The following ACSL3 variants were observed in gnomAD, a reference collection of about 807,000 sequenced individuals.
ACSL3 encodes fatty acid CoA ligase Acsl3.
ACSL3 carries 34 observed loss-of-function variants against 84.7 expected under a neutral mutation model. The observed-to-expected ratio is 0.40, with a 90% CI of 0.31 to 0.53. The LOEUF is 0.53. Ranked by LOEUF, ACSL3 falls within the 20% of genes least tolerant of loss-of-function variation. The pLI is 0.48. For synonymous variants in ACSL3, 315 were observed against 299.4 expected (o/e 1.05, Z -0.54); for missense variants, 680 against 873.1 (o/e 0.78, Z 2.79).
Position 222,914,505 on chromosome 2 carries a change from G to A in ACSL3, c.379-1814G>A, listed in dbSNP as rs117996908. Among the ~76,000 whole-genome samples the A allele has an allele frequency of 3.9e-5, 6 of 152,210 alleles. No individual in the cohort carries two copies. The East Asian group carries it at 9.6e-4, about 24-fold the overall frequency. On this transcript the variant is annotated intron_variant, in intron 4 of 16. Transcript: ENST00000357430. ...TCGAATTCCTGGCCTCAAATGAGTT[G>A]CCTGTCTCAGCCTTCCAAAGTGTTG...
chr2:222,933,384 C>T (rs1697082787), intron 15 of ACSL3, 104 bp downstream of exon 15: 1 of 756,736 alleles, frequency 1.3e-6, no homozygotes, highest in South Asian at 2.1e-5. Context: ...GAGAACTCTT[C>T]CTATCTGTTA....
chr2:222,933,783 G>A (rs6756107), intron 15 of ACSL3: 114,590 of 152,244 alleles, frequency 0.75, 43,424 homozygotes, highest in East Asian at 0.97. Context: ...GGCAGCTGGG[G>A]ACCTGTCTAC....
At chr2:222,877,558 TTA>T (rs1398751454) in intron 1 of ACSL3, among the ~76,000 whole-genome samples, 1 of 152,238 alleles carries the variant, frequency 6.6e-6, no homozygotes, top group Non-Finnish European at 1.5e-5. Context: ...ACATATACAC[TTA>T]TACCTTTATA....
At position 222,934,647 on chromosome 2, in the gene ACSL3, A is replaced by G. The variant is rs759582343; in HGVS notation, c.1965A>G (p.Glu655=). 1.2e-6 allele frequency: 2 copies of G among 1,609,322 alleles called. No homozygotes were observed. Among genetic ancestry groups the G allele is most frequent in the South Asian group, 1.1e-5 (1 of 88,838 alleles). ...WEELCNSCEM[E]NEVLKVLSEA... ...AGCTGTGTAACAGTTGTGAAATGGA[A>G]AATGAGGTACTTAAAGTGCTTTCCG... The change falls in exon 16 of 17, where the codon GAA becomes GAG. Residue 655 remains glutamate, a synonymous_variant. Transcript: ENST00000357430.
Position 222,883,397 on chromosome 2 carries a change from G to T in ACSL3, c.-206-4433G>T, listed in dbSNP as rs1008682000. Among the ~76,000 whole-genome samples the T allele has an allele frequency of 2.0e-5, 3 of 151,496 alleles. No homozygotes were observed. The East Asian group carries it at 5.9e-4, about 30-fold the overall frequency. Reference sequence around the variant, plus strand: ...TGGGTTTCTCCTTATTGGTCATGCTGGTCTCGAACTCCCGACCTCAGGTGA... The same window carrying T: ...TGGGTTTCTCCTTATTGGTCATGCTTGTCTCGAACTCCCGACCTCAGGTGA... On this transcript the variant is annotated intron_variant, in intron 1 of 16. Transcript: ENST00000357430.
At position 222,930,732 on chromosome 2, in the gene ACSL3, T is replaced by G; in HGVS notation, c.1652T>G (p.Phe551Cys). Residue 551 changes from phenylalanine to cysteine, a missense_variant, in exon 14 of 17, where the codon TTT becomes TGT. Physicochemically the swap from Phe to Cys is radical, Grantham distance 205. Around this residue, in one of 2 missense-constraint regions of ACSL3, gnomAD observed 347 missense variants for 525.7 expected, o/e 0.66. Transcript: ENST00000357430. ...GAAGCAAAAACAAAAGCTGATTTCT[T>G]TGAAGATGAAAATGGACAAAGGTGG... ...KNEAKTKADF[F>C]EDENGQRWLC... 2 of 1,614,144 alleles carry G rather than the reference T, an allele frequency of 1.2e-6. No homozygotes were observed. The highest frequency in any genetic ancestry group is 1.7e-6 in the Non-Finnish European group (2 of 1,180,018).
chr2:222,929,926 T>G (rs1469248396), intron 13 of ACSL3, among the ~76,000 whole-genome samples: 40 of 122,574 alleles, frequency 3.3e-4, no homozygotes, highest in African/African-American at 1.3e-3. Flanking sequence ...TAACTCACTT[T>G]TTTTTTTTTT....
At position 222,908,725 on chromosome 2, in the gene ACSL3, C is replaced by T. The variant is rs1696360245; in HGVS notation, c.-40-8C>T. The stretch of plus-strand genomic sequence containing the variant: ...TTGAACTAACGCCTTTCTTTTTCTT[C>T]CTCCTAGATTCTCGCTGAAGTCTGT... On this transcript the variant is annotated splice_region_variant and splice_polypyrimidine_tract_variant and intron_variant, in intron 3 of 16. Transcript: ENST00000357430. 2.7e-6 allele frequency: 4 copies of T among 1,494,710 alleles called. No individual in the cohort carries two copies. Among genetic ancestry groups the T allele is most frequent in the African/African-American group, 2.9e-5 (2 of 68,818 alleles). 92.6% of individuals were successfully genotyped at this position (1,494,710 alleles called of 1,614,324 possible). A position where few individuals can be genotyped will look rare whatever the true frequency, so the allele number is the denominator to read the frequency against.
chr2:222,879,806 C>T (rs889489203), intron 1 of ACSL3, among the ~76,000 whole-genome samples: 6 of 152,214 alleles, frequency 3.9e-5, no homozygotes, highest in African/African-American at 1.2e-4. Context: ...CAGTGCTTCC[C>T]TTCCCAACAG....
intron 4 of ACSL3, among the ~76,000 whole-genome samples, chr2:222,914,243 G>A (rs995143194): frequency 4.7e-5 from 3 of 63,426 alleles, no homozygotes; most frequent in Non-Finnish European, 1.3e-4. Flanking sequence ...ACGTGTGTGT[G>A]TGTGTGTGTG....
chr2:222,934,837 C>T (rs1697131845), intron 16 of ACSL3, 150 bp downstream of exon 16: 2 of 743,436 alleles, frequency 2.7e-6, no homozygotes, highest in South Asian at 2.4e-5. Context: ...TATCAGTCCC[C>T]CATTCAAGCC....
intron 2 of ACSL3, among the ~76,000 whole-genome samples, chr2:222,898,573 A>T (rs542027863): frequency 7.2e-5 from 11 of 152,276 alleles, no homozygotes; most frequent in African/African-American, 2.6e-4. Flanking sequence ...TTTAAGAAAC[A>T]TTGCACTTTG....
At chr2:222,935,544 A>G (rs917727505) in intron 16 of ACSL3, among the ~76,000 whole-genome samples, 4 of 152,138 alleles carry the variant, frequency 2.6e-5, no homozygotes, top group Admixed American at 2.6e-4. Context: ...CATTTCAGTA[A>G]TGTCAGATTC....
intron 1 of ACSL3, among the ~76,000 whole-genome samples, chr2:222,863,805 T>C (rs1695070615): frequency 6.6e-6 from 1 of 152,170 alleles, no homozygotes. Context: ...CAGTTGAACA[T>C]GTATGAAGCC....
At chr2:222,890,128 G>T (rs1292949026) in intron 2 of ACSL3, among the ~76,000 whole-genome samples, 1 of 152,072 alleles carries the variant, frequency 6.6e-6, no homozygotes, top group Non-Finnish European at 1.5e-5. Context: ...TGTGATGCAG[G>T]TTATTTATTC....
intron 16 of ACSL3, 100 bp from the exon 17 acceptor site, chr2:222,941,396 TG>T (rs1697302366): frequency 2.3e-6 from 2 of 881,774 alleles, no homozygotes; most frequent in African/African-American, 3.4e-5. Flanking sequence ...GTTCACTTGT[TG>T]GTTGTGCATT....
At chr2:222,929,007 C>A in intron 13 of ACSL3, 71 bp downstream of exon 13, 2 of 1,326,118 alleles carry the variant, frequency 1.5e-6, no homozygotes, top group Non-Finnish European at 2.1e-6. Flanking sequence ...GCTTCACTTT[C>A]TTGCTTTAGA....
chr2:222,929,202 G>A (rs1006939826), intron 13 of ACSL3, among the ~76,000 whole-genome samples: 2 of 152,166 alleles, frequency 1.3e-5, no homozygotes. Flanking sequence ...GTACTAATAA[G>A]TGAATAATGT....
At chr2:222,903,063 G>A (rs1334196923) in intron 3 of ACSL3, among the ~76,000 whole-genome samples, 1 of 151,920 alleles carries the variant, frequency 6.6e-6, no homozygotes, top group Non-Finnish European at 1.5e-5. Context: ...CACACCTTAG[G>A]AAATTACAGC....
Sources: allele counts gnomAD v4.1 joint callset (sites outside exome capture counted in the v4.1 genomes callset), GRCh38; gene constraint gnomAD v4.1.1; regional missense constraint gnomAD v4.1.1; transcripts MANE v1.5; gene names NCBI Gene and HGNC (gene_info 2026-07-23, HGNC 2026-07-21).